Variants in ZNF277 observed in about 807,000 individuals in gnomAD.
ZNF277 encodes the protein nuclear receptor-interacting factor 4.
In ZNF277, 55 loss-of-function variants were observed where a neutral mutation model predicts 60.7. The ratio of observed to expected loss-of-function variants is 0.91; its 90% CI spans 0.73 to 1.13. The LOEUF is 1.13. Among genes scored for constraint, ZNF277 ranks in the 50% most tolerant of loss-of-function variants. The pLI, the probability that ZNF277 is intolerant of heterozygous loss-of-function variation, is 0.00. For synonymous variants in ZNF277, 178 were observed against 179.3 expected, an observed-to-expected ratio of 0.99 and a Z score of 0.06; for missense variants, 510 against 523.0, an observed-to-expected ratio of 0.98 and a Z score of 0.24.
At chr7:112,319,667 A>AATATATATT (rs1491385620) in intron 5 of ZNF277, among the ~76,000 whole-genome samples, 1 of 147,298 alleles carries the variant, frequency 6.8e-6, no homozygotes, top group Non-Finnish European at 1.5e-5. Flanking sequence ...TAATATATAT[A>AATATATATT]ATATATATTA....
At chr7:112,318,309 T>A in intron 5 of ZNF277, 36 bp downstream of exon 5, 2 of 1,563,484 alleles carry the variant, frequency 1.3e-6, no homozygotes, top group Non-Finnish European at 1.8e-6. Context: ...TTACTGTTTT[T>A]AATCTGAAAA....
chr7:112,231,772 G>A (rs1822337734), intron 1 of ZNF277, among the ~76,000 whole-genome samples: 1 of 151,856 alleles, frequency 6.6e-6, no homozygotes, highest in Non-Finnish European at 1.5e-5. Context: ...ATCAAGTACT[G>A]TTATCAACAC....
rs948373020 is a variant in ZNF277 at position 112,343,887 on chromosome 7, C to T, written c.*1158C>T. Among the ~76,000 whole-genome samples the T allele has an allele frequency of 5.3e-5, 8 of 150,486 alleles. No homozygotes were observed. Among genetic ancestry groups the T allele is most frequent in the Admixed American group, 6.6e-5 (1 of 15,084 alleles). On this transcript the variant is annotated 3_prime_UTR_variant, in exon 12 of 12. Transcript: ENST00000361822. Reference sequence around the variant, plus strand: ...GTTGCAGTGAGCCGAGATCACACCACTGCAGTTCAGCCTGGGCAACAGACC... The same window carrying T: ...GTTGCAGTGAGCCGAGATCACACCATTGCAGTTCAGCCTGGGCAACAGACC...
At chr7:112,314,711 G>A (rs1009610579) in intron 4 of ZNF277, among the ~76,000 whole-genome samples, 2 of 152,078 alleles carry the variant, frequency 1.3e-5, no homozygotes, top group Non-Finnish European at 2.9e-5. Flanking sequence ...TGGGAAGATC[G>A]CTTGAGCCCA....
chr7:112,326,499 C>A (rs911125301), intron 5 of ZNF277, among the ~76,000 whole-genome samples: 2 of 152,154 alleles, frequency 1.3e-5, no homozygotes, highest in African/African-American at 4.8e-5. Context: ...TCTGTCTGGG[C>A]TGCCCCTGGG....
At chr7:112,298,119 C>T (rs1792394341) in intron 4 of ZNF277, among the ~76,000 whole-genome samples, 1 of 152,104 alleles carries the variant, frequency 6.6e-6, no homozygotes, top group Non-Finnish European at 1.5e-5. Context: ...TACAAGAGTA[C>T]AAGGCATAAT....
chr7:112,224,362 A>G (rs980276975), intron 1 of ZNF277, among the ~76,000 whole-genome samples: 2 of 152,274 alleles, frequency 1.3e-5, no homozygotes, highest in African/African-American at 4.8e-5. Flanking sequence ...GACCACATTC[A>G]AGGCCGCCCT....
chr7:112,339,612 C>A (rs1422337812), intron 9 of ZNF277, among the ~76,000 whole-genome samples: 1 of 152,212 alleles, frequency 6.6e-6, no homozygotes, highest in Non-Finnish European at 1.5e-5. Context: ...AGCCACCGCG[C>A]CCGGCCCAAT....
intron 7 of ZNF277, among the ~76,000 whole-genome samples, chr7:112,331,123 G>A (rs1054579474): frequency 6.6e-6 from 1 of 152,074 alleles, no homozygotes; most frequent in Admixed American, 6.5e-5. Flanking sequence ...GACTAACCAG[G>A]TTACCATGCC....
intron 1 of ZNF277, among the ~76,000 whole-genome samples, chr7:112,209,616 T>C (rs1484280307): frequency 6.6e-6 from 1 of 152,210 alleles, no homozygotes; most frequent in African/African-American, 2.4e-5. Flanking sequence ...GTTGATTTTT[T>C]ATGTCATTTT....
At chr7:112,288,212 A>C (rs181601488) in intron 2 of ZNF277, 1 of 152,326 alleles carries the variant, frequency 6.6e-6, no homozygotes, top group Admixed American at 6.5e-5. Context: ...AATTTCTGGA[A>C]GTAGTTGTCC....
intron 1 of ZNF277, among the ~76,000 whole-genome samples, chr7:112,258,911 A>G (rs1480066078): frequency 1.3e-5 from 2 of 152,106 alleles, no homozygotes; most frequent in African/African-American, 2.4e-5. Context: ...ACATATCTTC[A>G]TAAATGTCCC....
intron 2 of ZNF277, 152 bp downstream of exon 2, chr7:112,287,226 T>G: frequency 1.4e-6 from 1 of 704,568 alleles, no homozygotes; most frequent in East Asian, 2.7e-5. Context: ...AATTTAAAAA[T>G]TATCTAGGAT....
At chr7:112,289,452 G>A (rs1792154061) in intron 2 of ZNF277, among the ~76,000 whole-genome samples, 1 of 152,182 alleles carries the variant, frequency 6.6e-6, no homozygotes, top group Non-Finnish European at 1.5e-5. Context: ...ATTGCCAACT[G>A]CTAAAATAAA....
intron 1 of ZNF277, among the ~76,000 whole-genome samples, chr7:112,238,687 G>C (rs748392762): frequency 6.6e-6 from 1 of 151,858 alleles, no homozygotes; most frequent in Admixed American, 6.6e-5. Context: ...GAGTGAAGAA[G>C]ACTTTGTTTT....
chr7:112,288,448 T>G (rs1000160508), intron 2 of ZNF277: 1 of 152,160 alleles, frequency 6.6e-6, no homozygotes, highest in African/African-American at 2.4e-5. Context: ...GCTGTATTAT[T>G]AAGAGCTGAC....
intron 1 of ZNF277, among the ~76,000 whole-genome samples, chr7:112,269,480 A>G (rs532148250): frequency 6.6e-6 from 1 of 152,166 alleles, no homozygotes; most frequent in Non-Finnish European, 1.5e-5. Context: ...TTGCAGGAAA[A>G]AAACACTGGA....
At chr7:112,253,427 C>T (rs1791239848) in intron 1 of ZNF277, among the ~76,000 whole-genome samples, 1 of 152,306 alleles carries the variant, frequency 6.6e-6, no homozygotes, top group Admixed American at 6.5e-5. Flanking sequence ...TCTAACGATA[C>T]TTGCTACCCA....
intron 4 of ZNF277, among the ~76,000 whole-genome samples, chr7:112,304,693 G>A (rs1230453446): frequency 1.3e-5 from 2 of 151,964 alleles, no homozygotes; most frequent in Non-Finnish European, 2.9e-5. Context: ...ATACTGAATG[G>A]GATTAAAATG....
Sources: gnomAD v4.1 joint callset for allele counts (sites outside exome capture counted in the v4.1 genomes callset) on GRCh38, gnomAD v4.1.1 for gene constraint, MANE v1.5 for transcripts, NCBI Gene and HGNC (gene_info 2026-07-23, HGNC 2026-07-21) for gene names.